DAB1: variants seen among roughly 807,000 people sequenced by gnomAD.
The protein encoded by DAB1 is DAB adaptor protein 1.
Under a neutral mutation model 64.6 loss-of-function variants are expected in DAB1, and 15 were observed. The observed-to-expected ratio is 0.23, with a 90% CI of 0.16 to 0.36. The LOEUF (loss-of-function observed/expected upper bound fraction) is 0.36. DAB1 is among the 10% of genes least tolerant of loss of function. The pLI is 1.00. For missense variants in DAB1, 596 were observed against 706.7 expected (o/e 0.84, Z 1.78); for synonymous variants, 235 against 251.9 (o/e 0.93, Z 0.64).
intron 6 of DAB1, among the ~76,000 whole-genome samples, chr1:57,658,306 C>CTTTT (rs1165560066): frequency 2.3e-5 from 3 of 131,232 alleles, no homozygotes; most frequent in Admixed American, 8.1e-5. Flanking sequence ...CAATTTTGTT[C>CTTTT]TTTTTTTTTT....
intron 4 of DAB1, among the ~76,000 whole-genome samples, chr1:58,227,688 G>A (rs1029506139): frequency 6.6e-6 from 1 of 152,154 alleles, no homozygotes; most frequent in African/African-American, 2.4e-5. Context: ...AAGGCCTCCA[G>A]GAAGGCAGGG....
At chr1:58,187,016 G>A (rs1326923273) in intron 4 of DAB1, among the ~76,000 whole-genome samples, 1 of 152,184 alleles carries the variant, frequency 6.6e-6, no homozygotes, top group Non-Finnish European at 1.5e-5. Flanking sequence ...AACACAGAAA[G>A]GAAGGGAGAA....
At chr1:58,361,554 A>T (rs985349664) in intron 3 of DAB1, among the ~76,000 whole-genome samples, 1 of 151,356 alleles carries the variant, frequency 6.6e-6, no homozygotes, top group African/African-American at 2.4e-5. Context: ...TCTGCAAACC[A>T]CAGTTTTGTT....
At chr1:57,396,884 TAAC>T (rs1307138783) in intron 1 of DAB1, among the ~76,000 whole-genome samples, 1 of 152,216 alleles carries the variant, frequency 6.6e-6, no homozygotes, top group Non-Finnish European at 1.5e-5. Context: ...TATAGAATGA[TAAC>T]AATGTTTCCT....
intron 5 of DAB1, among the ~76,000 whole-genome samples, chr1:57,964,765 A>G (rs1645612210): frequency 6.6e-6 from 1 of 152,184 alleles, no homozygotes; most frequent in African/African-American, 2.4e-5. Flanking sequence ...GCTATAACAT[A>G]GAGCCTGGGA....
chr1:57,057,600 C>A (rs1043866642), intron 9 of DAB1, among the ~76,000 whole-genome samples: 1 of 147,356 alleles, frequency 6.8e-6, no homozygotes, highest in Non-Finnish European at 1.5e-5. Flanking sequence ...AGAAGGACTA[C>A]ACTGATTCTT....
chr1:58,529,240 C>A (rs1475467889), intron 1 of DAB1, among the ~76,000 whole-genome samples: 1 of 152,156 alleles, frequency 6.6e-6, no homozygotes, highest in Non-Finnish European at 1.5e-5. Context: ...GAATTTTGCA[C>A]ATTAGATTTA....
intron 3 of DAB1, among the ~76,000 whole-genome samples, chr1:58,445,859 G>A (rs905044038): frequency 6.6e-6 from 1 of 152,204 alleles, no homozygotes; most frequent in Non-Finnish European, 1.5e-5. Context: ...GAGACAGAAA[G>A]TCAGGCTCAG....
chr1:57,409,359 C>A (rs1683916602), intron 1 of DAB1, among the ~76,000 whole-genome samples: 1 of 152,212 alleles, frequency 6.6e-6, no homozygotes, highest in African/African-American at 2.4e-5. Context: ...TCCTGGCTGT[C>A]ACAGATACAG....
intron 6 of DAB1, among the ~76,000 whole-genome samples, chr1:57,764,292 A>AT (rs2101821831): frequency 6.6e-6 from 1 of 152,058 alleles, no homozygotes; most frequent in African/African-American, 2.4e-5. Flanking sequence ...TTTTGTTTTA[A>AT]TTCTCCTTTT....
intron 7 of DAB1, among the ~76,000 whole-genome samples, chr1:57,570,123 C>T (rs1407956892): frequency 2.0e-5 from 3 of 151,948 alleles, no homozygotes; most frequent in Admixed American, 1.3e-4. Context: ...GTCAGTCGGC[C>T]GGGAAAGGCA....
At chr1:57,670,799 A>C (rs1646501360) in intron 6 of DAB1, among the ~76,000 whole-genome samples, 1 of 152,126 alleles carries the variant, frequency 6.6e-6, no homozygotes, top group South Asian at 2.1e-4. Flanking sequence ...CAGGGAGAAG[A>C]CATTTCCAAA....
At chr1:57,217,956 T>C (rs1557960193) in intron 2 of DAB1, among the ~76,000 whole-genome samples, 1 of 152,000 alleles carries the variant, frequency 6.6e-6, no homozygotes, top group Non-Finnish European at 1.5e-5. Context: ...CAGATACTAC[T>C]AGGTCCCAAG....
intron 3 of DAB1, among the ~76,000 whole-genome samples, chr1:58,497,553 A>G (rs1392853588): frequency 3.9e-5 from 6 of 152,192 alleles, no homozygotes; most frequent in Non-Finnish European, 8.8e-5. Flanking sequence ...TCTTTAGCAT[A>G]AGAGTTATTT....
intron 3 of DAB1, among the ~76,000 whole-genome samples, chr1:58,403,251 C>G (rs1241678971): frequency 6.6e-6 from 1 of 151,718 alleles, no homozygotes; most frequent in Non-Finnish European, 1.5e-5. Context: ...AAGGAAATGC[C>G]CTTTTTTGCT....
chr1:57,026,884 A>G (rs1646806739), intron 9 of DAB1, among the ~76,000 whole-genome samples: 1 of 152,228 alleles, frequency 6.6e-6, no homozygotes, highest in East Asian at 1.9e-4. Flanking sequence ...TGCCAGATTC[A>G]CAGACTCTAG....
intron 1 of DAB1, among the ~76,000 whole-genome samples, chr1:57,846,909 G>A (rs1350915359): frequency 1.3e-5 from 2 of 152,234 alleles, no homozygotes; most frequent in African/African-American, 4.8e-5. Context: ...ACCACAATAT[G>A]GAGATGCCTA....
rs185192280 is a variant in DAB1, at chr1:57,567,787, A to C, written n.625+81805T>G. On this transcript the variant is annotated intron_variant and non_coding_transcript_variant, in intron 7 of 20. Coordinates refer to the DAB1 transcript ENST00000485760. Reference sequence around the variant, plus strand: ...CAACGAAATAAAAGAGGACACAAACAAATGGAAGAACATTCATGCTCATGG... The same window carrying C: ...CAACGAAATAAAAGAGGACACAAACCAATGGAAGAACATTCATGCTCATGG... Among the ~76,000 whole-genome samples, 866 of 152,358 alleles carry C rather than the reference A, an allele frequency of 5.7e-3. 4 individuals are homozygous for C. The highest frequency in any genetic ancestry group is 0.013 in the African/African-American group (530 of 41,580).
At chr1:57,023,408 C>T in intron 11 of DAB1, 123 bp downstream of exon 11, 1 of 641,028 alleles carries the variant, frequency 1.6e-6, no homozygotes, top group Non-Finnish European at 2.9e-6. Flanking sequence ...CTCAATGTCA[C>T]CTGAAGAGTC....
Sources: gnomAD v4.1 joint callset for allele counts (sites outside exome capture counted in the v4.1 genomes callset) on GRCh38, gnomAD v4.1.1 for gene constraint, MANE v1.5 for transcripts, NCBI Gene and HGNC (gene_info 2026-07-23, HGNC 2026-07-21) for gene names.